SLC30A10: variants seen among roughly 807,000 people sequenced by gnomAD.
SLC30A10 encodes calcium/manganese antiporter SLC30A10.
In SLC30A10, 8 loss-of-function variants were observed where a neutral mutation model predicts 21.7. That is an observed-to-expected ratio of 0.37 (90% CI 0.22 to 0.67). SLC30A10 has a LOEUF of 0.67. Among genes scored for constraint, SLC30A10 ranks in the 30% least tolerant of loss-of-function variants. The pLI, the probability that SLC30A10 is intolerant of heterozygous loss-of-function variation, is 0.58. For synonymous variants in SLC30A10, 272 were observed against 279.4 expected, an observed-to-expected ratio of 0.97 and a Z score of 0.26; for missense variants, 521 against 642.5, an observed-to-expected ratio of 0.81 and a Z score of 2.04.
In SLC30A10 at chr1:219,914,645, G is replaced by A. The variant is rs1212740169; in HGVS notation, c.*804C>T. 6.6e-6 allele frequency: 1 copy of A among 152,104 alleles called. No individual in the cohort carries two copies. Among genetic ancestry groups the A allele is most frequent in the Non-Finnish European group, 1.5e-5 (1 of 68,022 alleles). The allele number at this position is 152,104 out of a possible 1,614,324, so 9.4% of individuals were successfully genotyped here. On this transcript the variant is annotated 3_prime_UTR_variant, in exon 4 of 4. Transcript: ENST00000366926. ...GTAAATCATTATCAAAGCACTAAAT[G>A]AAAACAGCTCCAACTATACTGACTC...
intron 1 of SLC30A10, among the ~76,000 whole-genome samples, chr1:219,954,045 G>A (rs1296360883): frequency 6.6e-6 from 1 of 151,962 alleles, no homozygotes; most frequent in Admixed American, 6.6e-5. Flanking sequence ...TACTGGTAGA[G>A]AGACAGCAAA....
rs2102534761 is a variant in SLC30A10 at position 219,927,683 on chromosome 1, A to AC, written c.640+117_640+118insG. 2.5e-6 allele frequency: 2 copies of AC among 799,978 alleles called. No individual in the cohort carries two copies. The highest frequency in any genetic ancestry group is 3.3e-6 in the Non-Finnish European group (2 of 614,726). The allele number at this position is 799,978 out of a possible 1,614,324, so 49.6% of individuals were successfully genotyped here. ...AAAAAAAAAAACAACAACAACAAAA[A>AC]AAAAAAAACAGAAAAAAAGCATGCA... On this transcript the variant is annotated intron_variant, in intron 1 of 3. Transcript: ENST00000366926.
chr1:219,925,994 A>G (rs1177294704), intron 2 of SLC30A10, among the ~76,000 whole-genome samples: 1 of 152,108 alleles, frequency 6.6e-6, no homozygotes, highest in Non-Finnish European at 1.5e-5. Context: ...ACCTTAAAAA[A>G]GAGAGATAAA....
Position 219,927,947 on chromosome 1 carries a change from C to T in SLC30A10, c.494G>A (p.Gly165Asp), listed in dbSNP as rs759811824. The change falls in exon 1 of 4, where the codon GGC becomes GAC. Residue 165 changes from glycine (G) to aspartate (D), a missense_variant. By Grantham distance (94) the Gly-to-Asp change is moderately conservative (BLOSUM62 -1). Coordinates refer to ENST00000366926, the MANE Select transcript of SLC30A10 (RefSeq NM_018713.3). ...CGCGCCCTGAGGCCCCCCGAAAGCG[C>T]CGGGGACACAGCCCTCCGCCAGCTG... ...RQQLAEGCVPGAFGGPQGAED... is the reference protein window; with the variant it reads ...RQQLAEGCVPDAFGGPQGAED... 11 of 1,541,100 alleles carry T rather than the reference C, an allele frequency of 7.1e-6. No individual in the cohort carries two copies. The highest frequency in any genetic ancestry group is 7.0e-6 in the Non-Finnish European group (8 of 1,143,414).
chr1:219,922,863 C>G (rs889757674), intron 2 of SLC30A10, among the ~76,000 whole-genome samples: 2 of 152,114 alleles, frequency 1.3e-5, no homozygotes, highest in African/African-American at 4.8e-5. Flanking sequence ...ATATAGATGA[C>G]GGGACTGAAC....
upstream of SLC30A10, chr1:219,928,702 G>A: frequency 2.4e-6 from 1 of 409,452 alleles, no homozygotes; most frequent in East Asian, 4.3e-5. This position sits in a 1 kb window ranked among gnomAD's most constrained non-coding sequence, Gnocchi z 6.3. Flanking sequence ...CCTCCCTCGC[G>A]GCCTGGGCCT....
Position 219,911,162 on chromosome 1 carries a change from T to TTTTTTTTTTG in SLC30A10, c.*4286_*4287insCAAAAAAAAA, listed in dbSNP as rs1659406911. Reference sequence around the variant, plus strand: ...TTTTCTACATCAGTTTTTTTTTTTTTTTTTTTTTTTTTGCAGTCTTTTACT... The same window carrying TTTTTTTTTTG: ...TTTTCTACATCAGTTTTTTTTTTTTTTTTTTTTTTGTTTTTTTTTTTTGCAGTCTTTTACT... On this transcript the variant is annotated 3_prime_UTR_variant, in exon 4 of 4. Coordinates refer to ENST00000366926, the MANE Select transcript of SLC30A10 (RefSeq NM_018713.3). 2.1e-5 allele frequency among the ~76,000 whole-genome samples: 3 copies of TTTTTTTTTTG among 144,100 alleles called. No individual in the cohort carries two copies. The highest frequency in any genetic ancestry group is 4.6e-5 in the Non-Finnish European group (3 of 65,724). The allele number at this position is 144,100 out of a possible 152,430, so 94.5% of individuals were successfully genotyped here.
rs1257677777 is a variant in SLC30A10, at chr1:219,922,209, T to G, written c.719-3715A>C. Among the ~76,000 whole-genome samples the G allele has an allele frequency of 1.2e-3, 89 of 75,388 alleles. 2 individuals are homozygous for G. Among genetic ancestry groups the G allele is most frequent in the East Asian group, 4.2e-3 (11 of 2,590 alleles). 49.5% of individuals were successfully genotyped at this position (75,388 alleles called of 152,430 possible). A position where few individuals can be genotyped will look rare whatever the true frequency, so the allele number is the denominator to read the frequency against. On this transcript the variant is annotated intron_variant, in intron 2 of 3. Transcript: ENST00000366926. ...TTTTTTTTTTTTTTTTTTTTTTTTTTTTTTTTTTTTTTTTTTTTTTTTGCA... is the reference window on the plus strand; with the variant it reads ...TTTTTTTTTTTTTTTTTTTTTTTTTGTTTTTTTTTTTTTTTTTTTTTTGCA...
In SLC30A10 at chr1:219,914,014, GAT is replaced by G. The variant is rs569232544; in HGVS notation, c.*1433_*1434del. The G allele has an allele frequency of 7.1e-4, 85 of 120,548 alleles. No homozygotes were observed. Among genetic ancestry groups the G allele is most frequent in the African/African-American group, 2.7e-3 (81 of 30,272 alleles). The allele number at this position is 120,548 out of a possible 1,614,324, so 7.5% of individuals were successfully genotyped here. On this transcript the variant is annotated 3_prime_UTR_variant, in exon 4 of 4. Transcript: ENST00000366926. ...GGACTAAGATACATTGTTTAAATAT[GAT>G]GTTTGTTCTGTGGATGCTGCCTTCA... is the stretch of plus-strand genomic sequence containing the variant.
chr1:219,944,106 A>C (rs1367435996), intron 1 of SLC30A10, among the ~76,000 whole-genome samples: 4 of 151,030 alleles, frequency 2.6e-5, no homozygotes, highest in Non-Finnish European at 5.9e-5. Flanking sequence ...CTCAAAAAAA[A>C]AAAACCTTCA....
At chr1:219,942,008 A>C (rs945650513) in intron 1 of SLC30A10, among the ~76,000 whole-genome samples, 28 of 152,226 alleles carry the variant, frequency 1.8e-4, no homozygotes, top group African/African-American at 6.8e-4. Flanking sequence ...AAAACCAAGA[A>C]GACTTCTTTC....
At chr1:219,929,525 C>CT (rs11382012), upstream of SLC30A10, among the ~76,000 whole-genome samples, 42,144 of 147,800 alleles carry the variant, frequency 0.29, 6,396 homozygotes, top group East Asian at 0.4. Context: ...AATAAAGACT[C>CT]TTTTTTTTTT....
chr1:219,921,872 AGTGTGTGTGTGT>A (rs72517767), intron 2 of SLC30A10, among the ~76,000 whole-genome samples: 8 of 139,510 alleles, frequency 5.7e-5, no homozygotes, highest in East Asian at 2.2e-4. Context: ...GGTGTCTCTG[AGTGTGTGTGTGT>A]GTGTGTGTGT....
intron 2 of SLC30A10, among the ~76,000 whole-genome samples, chr1:219,922,187 T>TTG (rs1659708929): frequency 1.7e-4 from 2 of 11,580 alleles, no homozygotes; most frequent in Non-Finnish European, 4.0e-4. Context: ...TTTTTTTTTT[T>TTG]TTTTTTTTTT....
At chr1:219,951,741 A>G (rs990716401) in intron 1 of SLC30A10, among the ~76,000 whole-genome samples, 9 of 151,732 alleles carry the variant, frequency 5.9e-5, no homozygotes, top group Admixed American at 6.6e-5. Flanking sequence ...AGAAAAGAAA[A>G]GAAAAGGAAA....
intron 2 of SLC30A10, among the ~76,000 whole-genome samples, chr1:219,925,096 A>G (rs1373017741): frequency 6.6e-6 from 1 of 152,220 alleles, no homozygotes; most frequent in African/African-American, 2.4e-5. Context: ...TTTTCTACCA[A>G]GAAACTTCAA....
intron 1 of SLC30A10, among the ~76,000 whole-genome samples, chr1:219,947,260 G>T (rs73084862): frequency 0.031 from 4,710 of 152,260 alleles, 251 homozygotes; most frequent in African/African-American, 0.11. Flanking sequence ...AGGGTGCAAT[G>T]GCTCATGCCT....
At chr1:219,919,885 A>G (rs1257838924) in intron 2 of SLC30A10, among the ~76,000 whole-genome samples, 1 of 152,150 alleles carries the variant, frequency 6.6e-6, no homozygotes, top group African/African-American at 2.4e-5. Flanking sequence ...TTGTCTCTCC[A>G]TGTATTCCAC....
At position 219,915,899 on chromosome 1, in the gene SLC30A10, G is replaced by A. The variant is rs746735960; in HGVS notation, c.1008C>T (p.His336=). The A allele has an allele frequency of 1.9e-6, 3 of 1,614,152 alleles. No homozygotes were observed. Among genetic ancestry groups the A allele is most frequent in the Non-Finnish European group, 2.5e-6 (3 of 1,180,034 alleles). The part of the protein sequence containing the change: ...VPGISSVHEV[H]IWELVSGKII... ...TCTTTCCACTTACAAGTTCCCAGAT[G>A]TGCACTTCATGTACACTGCTAATTC... The change falls in exon 4 of 4, where the codon CAC becomes CAT. Residue 336 remains histidine, a synonymous_variant. Coordinates refer to ENST00000366926, the MANE Select transcript of SLC30A10 (RefSeq NM_018713.3).
Sources: allele counts gnomAD v4.1 joint callset (sites outside exome capture counted in the v4.1 genomes callset), GRCh38; gene constraint gnomAD v4.1.1; non-coding constraint Gnocchi (gnomAD v3.1); transcripts MANE v1.5; gene names NCBI Gene and HGNC (gene_info 2026-07-23, HGNC 2026-07-21).